RET: variants seen among roughly 807,000 people sequenced by gnomAD.
RET encodes the protein ret proto-oncogene.
In RET, 19 loss-of-function variants were observed where a neutral mutation model predicts 118.3. That is an observed-to-expected ratio of 0.16 (90% CI 0.11 to 0.24). The LOEUF (loss-of-function observed/expected upper bound fraction) is 0.24. RET is among the 10% of genes least tolerant of loss of function. The pLI is 1.00. For synonymous variants in RET, 597 were observed against 644.1 expected (o/e 0.93, Z 1.11); for missense variants, 1,219 against 1,502.1 (o/e 0.81, Z 3.12).
chr10:43,078,182 G>A (rs1402058000), intron 1 of RET, among the ~76,000 whole-genome samples: 1 of 152,260 alleles, frequency 6.6e-6, no homozygotes, highest in African/African-American at 2.4e-5. Context: ...CCGCAAGGCT[G>A]TGGAATCTTT....
At chr10:43,078,995 G>A (rs936123483) in intron 1 of RET, among the ~76,000 whole-genome samples, 8 of 152,296 alleles carry the variant, frequency 5.3e-5, no homozygotes, top group Admixed American at 2.0e-4. Flanking sequence ...CCACAGCTCC[G>A]GAGGTTCGAG....
chr10:43,122,689 C>T (rs536157868), intron 16 of RET, among the ~76,000 whole-genome samples: 93 of 152,272 alleles, frequency 6.1e-4, no homozygotes, highest in African/African-American at 2.1e-3. Flanking sequence ...CTCACTGCAA[C>T]CTCCACCTCC....
chr10:43,104,983 C>T lies in RET; in HGVS notation c.657C>T (p.Asp219=), dbSNP rs1837729196. 1.3e-6 allele frequency: 2 copies of T among 1,580,736 alleles called. No individual in the cohort carries two copies. Among genetic ancestry groups the T allele is most frequent in the African/African-American group, 1.3e-5 (1 of 74,604 alleles). ...GTCTGCCCTTCCGCTGCGCCCCGGA[C>T]AGCCTGGAGGTGAGCACGCGCTGGG... ...GEGLPFRCAP[D]SLEVSTRWAL... The change falls in exon 4 of 20, where the codon GAC becomes GAT. Residue 219 remains aspartate, a synonymous_variant. Transcript: ENST00000355710.
At position 43,127,642 on chromosome 10, in the gene RET, T is replaced by C. The variant is rs1183616031; in HGVS notation, c.3188-470T>C. On this transcript the variant is annotated intron_variant, in intron 19 of 19. Coordinates refer to ENST00000355710, the MANE Select transcript of RET (RefSeq NM_020975.6). ...GCTTTGTGTCTAGTGCCACACTCCATTTGTGCTGACGATGCTATGAGGCTG... is the reference window on the plus strand; with the variant it reads ...GCTTTGTGTCTAGTGCCACACTCCACTTGTGCTGACGATGCTATGAGGCTG... 4 of 340,536 alleles carry C rather than the reference T, an allele frequency of 1.2e-5. No homozygotes were observed. The East Asian group carries it at 2.2e-4, about 19-fold the overall frequency. 21.1% of individuals were successfully genotyped at this position (340,536 alleles called of 1,614,324 possible).
chr10:43,116,883 G>A, intron 12 of RET, 152 bp downstream of exon 12: 2 of 883,950 alleles, frequency 2.3e-6, no homozygotes, highest in Non-Finnish European at 1.7e-6. Flanking sequence ...GGCCACTTGG[G>A]CCTAGAGAAG....
intron 11 of RET, among the ~76,000 whole-genome samples, chr10:43,115,218 G>T (rs998507524): frequency 2.0e-5 from 3 of 152,234 alleles, no homozygotes; most frequent in African/African-American, 7.2e-5. Context: ...AGTAACAGAG[G>T]CTCAGAGCCA....
At chr10:43,089,551 G>T (rs552539276) in intron 1 of RET, among the ~76,000 whole-genome samples, 7 of 152,358 alleles carry the variant, frequency 4.6e-5, no homozygotes, top group African/African-American at 1.7e-4. Context: ...CGTAGGAAGT[G>T]CATGTCCGTT....
intron 10 of RET, among the ~76,000 whole-genome samples, chr10:43,113,956 G>A (rs1838003546): frequency 6.6e-6 from 1 of 152,200 alleles, no homozygotes; most frequent in South Asian, 2.1e-4. Context: ...TGACCATGCA[G>A]CTGGGACCCA....
At chr10:43,102,010 AG>A (rs34254989) in intron 2 of RET, among the ~76,000 whole-genome samples, 49,934 of 151,932 alleles carry the variant, frequency 0.33, 8,639 homozygotes, top group South Asian at 0.41. Context: ...AGGGTGTGGC[AG>A]GGGGGGTGCT....
chr10:43,095,699 C>G (rs1166943688), intron 1 of RET, among the ~76,000 whole-genome samples: 2 of 152,196 alleles, frequency 1.3e-5, no homozygotes, highest in African/African-American at 4.8e-5. Context: ...GGTGGGCATG[C>G]CTCCATCTCT....
In RET at chr10:43,114,376, C is replaced by G; in HGVS notation, c.1880-104C>G. On this transcript the variant is annotated intron_variant, in intron 10 of 19. Transcript: ENST00000355710. The surrounding 1 kb of genome is among the most constrained non-coding windows in gnomAD (Gnocchi z 4.6). ...CTCCATGGCCACTTCCCAGCTGGCG[C>G]GGACACGGCAGGCTGGAGAGCCATG... The G allele has an allele frequency of 6.6e-7, 1 of 1,504,550 alleles. No homozygotes were observed. The highest frequency in any genetic ancestry group is 9.0e-7 in the Non-Finnish European group (1 of 1,107,072). 93.2% of individuals were successfully genotyped at this position (1,504,550 alleles called of 1,614,324 possible). A position where few individuals can be genotyped will look rare whatever the true frequency, so the allele number is the denominator to read the frequency against.
chr10:43,124,764 G>A (rs1291096229), intron 17 of RET, 119 bp from the exon 18 acceptor site: 2 of 972,638 alleles, frequency 2.1e-6, no homozygotes, highest in East Asian at 2.4e-5. Context: ...TAGCTTTGGA[G>A]TTGGAGACAG....
intron 4 of RET, 147 bp downstream of exon 4, chr10:43,105,340 T>A: frequency 7.8e-7 from 1 of 1,273,960 alleles, no homozygotes; most frequent in Non-Finnish European, 1.1e-6. Context: ...CTGCGCCGTC[T>A]GTCCTAGGGG....
Position 43,129,199 on chromosome 10 carries a change from T to G in RET, c.*930T>G, listed in dbSNP as rs1269425217. On this transcript the variant is annotated 3_prime_UTR_variant, in exon 20 of 20. Coordinates refer to ENST00000355710, the MANE Select transcript of RET (RefSeq NM_020975.6). Reference sequence around the variant, plus strand: ...CACAGCCAAGTAGAGGCGAAAGCAGTGGCTCATCCTACCTGTTAGGAGCAG... The same window carrying G: ...CACAGCCAAGTAGAGGCGAAAGCAGGGGCTCATCCTACCTGTTAGGAGCAG... The G allele has an allele frequency of 8.6e-6, 2 of 233,540 alleles. No homozygotes were observed. The highest frequency in any genetic ancestry group is 1.7e-5 in the Non-Finnish European group (2 of 118,040). 14.5% of individuals were successfully genotyped at this position (233,540 alleles called of 1,614,324 possible).
In RET at chr10:43,100,572, G is replaced by T. The variant is rs770081020; in HGVS notation, c.187G>T (p.Val63Leu). Residue 63 changes from valine to leucine, a missense_variant, in exon 2 of 20, where the codon GTG becomes TTG. By Grantham distance (32) the Val-to-Leu change is conservative. Transcript: ENST00000355710. ...VHALRDAPEEVPSFRLGQHLY... is the reference protein window; with the variant it reads ...VHALRDAPEELPSFRLGQHLY... ...TGCCCTGCGGGACGCCCCTGAGGAG[G>T]TGCCCAGCTTCCGCCTGGGCCAGCA... The T allele has an allele frequency of 6.2e-7, 1 of 1,613,896 alleles. No individual in the cohort carries two copies. The highest frequency in any genetic ancestry group is 2.2e-5 in the East Asian group (1 of 44,868).
chr10:43,124,974 A>G lies in RET; in HGVS notation c.3031A>G (p.Lys1011Glu), dbSNP rs368345402. 6 of 1,614,212 alleles carry G rather than the reference A, an allele frequency of 3.7e-6. No individual in the cohort carries two copies. Among genetic ancestry groups the G allele is most frequent in the Non-Finnish European group, 5.1e-6 (6 of 1,180,034 alleles). ...CAAAGACCTGGAGAAGATGATGGTT[A>G]AGAGGAGAGTGAGTGCCTGGGTCCA... The part of the protein sequence containing the change: ...ISKDLEKMMV[K>E]RRDYLDLAAS... Residue 1011 changes from lysine to glutamate, a missense_variant, in exon 18 of 20, where the codon AAG becomes GAG. Lys to Glu is a moderately conservative substitution (Grantham distance 56). Coordinates refer to ENST00000355710, the MANE Select transcript of RET (RefSeq NM_020975.6).
Position 43,116,701 on chromosome 10 carries a change from T to C in RET, c.2254T>C (p.Tyr752His), listed in dbSNP as rs984978805. The C allele has an allele frequency of 5.7e-6, 9 of 1,589,846 alleles. No homozygotes were observed. The highest frequency in any genetic ancestry group is 6.9e-6 in the Non-Finnish European group (8 of 1,165,438). Residue 752 changes from tyrosine (Y) to histidine (H), a missense_variant, in exon 12 of 20, where the codon TAC becomes CAC. Transcript: ENST00000355710. ...TAFHLKGRAGYTTVAVKMLKE... is the reference protein window; with the variant it reads ...TAFHLKGRAGHTTVAVKMLKE... ...CTTCCATCTGAAAGGCAGAGCAGGGTACACCACGGTGGCCGTGAAGATGCT... is the reference window on the plus strand; with the variant it reads ...CTTCCATCTGAAAGGCAGAGCAGGGCACACCACGGTGGCCGTGAAGATGCT...
At position 43,106,604 on chromosome 10, in the gene RET, C is replaced by A. The variant is rs762571216; in HGVS notation, c.1063+33C>A. On this transcript the variant is annotated intron_variant, in intron 5 of 19. Transcript: ENST00000355710. This position sits in a 1 kb window ranked among gnomAD's most constrained non-coding sequence, Gnocchi z 5.1. Reference sequence around the variant, plus strand: ...GGGCTGGTGGCACGGCCTGGCTAGGCCCCCAGGAAATGAGGTGCTCGCTCT... The same window carrying A: ...GGGCTGGTGGCACGGCCTGGCTAGGACCCCAGGAAATGAGGTGCTCGCTCT... 3.7e-6 allele frequency: 6 copies of A among 1,603,734 alleles called. No homozygotes were observed. Among genetic ancestry groups the A allele is most frequent in the Middle Eastern group, 1.7e-4 (1 of 6,042 alleles).
At chr10:43,127,592 C>A in intron 19 of RET, 1 of 528,280 alleles carries the variant, frequency 1.9e-6, no homozygotes, top group Non-Finnish European at 2.5e-6. Context: ...TTTTGCATGC[C>A]TCCTGACTCA....
Sources: allele counts gnomAD v4.1 joint callset (sites outside exome capture counted in the v4.1 genomes callset), GRCh38; gene constraint gnomAD v4.1.1; non-coding constraint Gnocchi (gnomAD v3.1); transcripts MANE v1.5; gene names NCBI Gene and HGNC (gene_info 2026-07-23, HGNC 2026-07-21).